OTULIN: variants seen among roughly 807,000 people sequenced by gnomAD.
OTULIN encodes the protein OTU deubiquitinase with linear linkage specificity, also known as ubiquitin thioesterase otulin.
Under a neutral mutation model 39.6 loss-of-function variants are expected in OTULIN, and 15 were observed. The observed-to-expected ratio is 0.38, with a 90% CI of 0.25 to 0.58. The LOEUF (loss-of-function observed/expected upper bound fraction) is 0.58. Among genes scored for constraint, OTULIN ranks in the 20% least tolerant of loss-of-function variants. The pLI is 0.66. For missense variants in OTULIN, 319 were observed against 445.9 expected (o/e 0.72, Z 2.56); for synonymous variants, 156 against 170.3 (o/e 0.92, Z 0.65).
rs1736759730 is a variant in OTULIN at position 14,699,800 on chromosome 5, T to C, written c.*6752T>C. On this transcript the variant is annotated 3_prime_UTR_variant, in exon 7 of 7. Coordinates refer to ENST00000284274, the MANE Select transcript of OTULIN (RefSeq NM_138348.6). Reference sequence around the variant, plus strand: ...GCCTGAAACCTGGGCATTCTTTCTGTAGTTTCTCTGAATTTTCTGTCTCAC... The same window carrying C: ...GCCTGAAACCTGGGCATTCTTTCTGCAGTTTCTCTGAATTTTCTGTCTCAC... The C allele has an allele frequency of 6.6e-6, 1 of 152,308 alleles. No homozygotes were observed. The highest frequency in any genetic ancestry group is 1.5e-5 in the Non-Finnish European group (1 of 68,098). 9.4% of individuals were successfully genotyped at this position (152,308 alleles called of 1,614,324 possible). A position where few individuals can be genotyped will look rare whatever the true frequency, so the allele number is the denominator to read the frequency against.
At chr5:14,710,076 A>G in the OTULIN span, 1 of 152,222 alleles carries the variant, frequency 6.6e-6, no homozygotes, top group African/African-American at 2.4e-5. Flanking sequence ...GGAGGACCAC[A>G]TAGTGACTCT....
chr5:14,678,606 A>G, intron 2 of OTULIN, 75 bp from the exon 3 acceptor site: 1 of 1,032,868 alleles, frequency 9.7e-7, no homozygotes, highest in Non-Finnish European at 1.4e-6. Flanking sequence ...GTGAAGGGTA[A>G]CCCCCAACTG....
intron 1 of OTULIN, among the ~76,000 whole-genome samples, chr5:14,668,003 C>T (rs1397075035): frequency 6.6e-6 from 1 of 152,164 alleles, no homozygotes; most frequent in African/African-American, 2.4e-5. Flanking sequence ...AGAGACTACT[C>T]CATGGCCCTT....
chr5:14,712,889 A>G, the OTULIN span: 4 of 1,611,396 alleles, frequency 2.5e-6, no homozygotes, highest in African/African-American at 2.7e-5. Flanking sequence ...TCCGGTAGAC[A>G]TAGCACGCAG....
rs2126350284 is a variant in OTULIN at position 14,696,034 on chromosome 5, T to TA, written c.*2991dup. On this transcript the variant is annotated 3_prime_UTR_variant, in exon 7 of 7. Coordinates refer to ENST00000284274, the MANE Select transcript of OTULIN (RefSeq NM_138348.6). ...CCCTCCACTTTTGGAGCTTATCAGG[T>TA]AAAAATCTCAAGCCACATGAATTGT... The TA allele has an allele frequency of 6.6e-6, 1 of 151,054 alleles. No individual in the cohort carries two copies. Among genetic ancestry groups the TA allele is most frequent in the South Asian group, 2.1e-4 (1 of 4,778 alleles). The allele number at this position is 151,054 out of a possible 1,614,324, so 9.4% of individuals were successfully genotyped here.
chr5:14,712,344 C>T, the OTULIN span, among the ~76,000 whole-genome samples: 6 of 152,384 alleles, frequency 3.9e-5, no homozygotes, highest in African/African-American at 1.4e-4. Context: ...TCATATACCT[C>T]CCTTTTCTCA....
At chr5:14,685,796 A>G (rs1736373227) in intron 4 of OTULIN, among the ~76,000 whole-genome samples, 1 of 141,624 alleles carries the variant, frequency 7.1e-6, no homozygotes, top group Admixed American at 7.5e-5. Context: ...CCCAGCTCAC[A>G]TCTGTGTAGC....
At position 14,696,527 on chromosome 5, in the gene OTULIN, T is replaced by C. The variant is rs774633353; in HGVS notation, c.*3479T>C. On this transcript the variant is annotated 3_prime_UTR_variant, in exon 7 of 7. Transcript: ENST00000284274. ...AAATACATAGAATTCCCAAATAGTT[T>C]AGCAAAGGCAGGGCGCAATATCAAG... The C allele has an allele frequency of 1.4e-4, 21 of 152,190 alleles. No individual in the cohort carries two copies. The highest frequency in any genetic ancestry group is 2.8e-4 in the Non-Finnish European group (19 of 68,040). The allele number at this position is 152,190 out of a possible 1,614,324, so 9.4% of individuals were successfully genotyped here. A position where few individuals can be genotyped will look rare whatever the true frequency, so the allele number is the denominator to read the frequency against.
chr5:14,678,728 A>G lies in OTULIN; in HGVS notation c.277A>G (p.Lys93Glu). ...TGAAATGGATATCATGGACTACTGC[A>G]AAAAAGAATGGAGAGGAAATACACA... The part of the protein sequence containing the change: ...APEMDIMDYC[K>E]KEWRGNTQKA... The change falls in exon 3 of 7, where the codon AAA (lysine) becomes GAA (glutamate). Residue 93 changes from lysine to glutamate, a missense_variant. This residue lies in a region of OTULIN where 132 missense variants were observed against 143.7 expected (regional missense o/e 0.92). Coordinates refer to ENST00000284274, the MANE Select transcript of OTULIN (RefSeq NM_138348.6). The G allele has an allele frequency of 3.7e-6, 6 of 1,609,088 alleles. No individual in the cohort carries two copies. The highest frequency in any genetic ancestry group is 5.1e-6 in the Non-Finnish European group (6 of 1,178,082).
At chr5:14,668,154 C>T (rs758340385) in intron 1 of OTULIN, among the ~76,000 whole-genome samples, 4 of 152,028 alleles carry the variant, frequency 2.6e-5, no homozygotes, top group Non-Finnish European at 4.4e-5. Context: ...GGGCTGTGAA[C>T]AAAAAAAGTG....
chr5:14,689,619 A>G (rs1168518302), intron 5 of OTULIN, among the ~76,000 whole-genome samples: 3 of 152,156 alleles, frequency 2.0e-5, no homozygotes, highest in South Asian at 4.1e-4. Flanking sequence ...CCTCTCTTCC[A>G]TTTAGGAGGG....
rs1011632847 is a variant in OTULIN, at chr5:14,694,447, G to T, written c.*1399G>T. The T allele has an allele frequency of 2.6e-5, 4 of 152,330 alleles. No individual in the cohort carries two copies. Among genetic ancestry groups the T allele is most frequent in the Middle Eastern group, 3.4e-3 (1 of 294 alleles). The allele number at this position is 152,330 out of a possible 1,614,324, so 9.4% of individuals were successfully genotyped here. A position where few individuals can be genotyped will look rare whatever the true frequency, so the allele number is the denominator to read the frequency against. On this transcript the variant is annotated 3_prime_UTR_variant, in exon 7 of 7. Transcript: ENST00000284274. The stretch of plus-strand genomic sequence containing the variant: ...CTGGCAGCCCCTGAATTGGCTCAAC[G>T]TTTGTGGAGGTGGTATTTCCCTGAA...
At chr5:14,677,313 G>A (rs1043741274) in intron 2 of OTULIN, among the ~76,000 whole-genome samples, 1 of 151,984 alleles carries the variant, frequency 6.6e-6, no homozygotes, top group Non-Finnish European at 1.5e-5. Flanking sequence ...CCAGTTCCTA[G>A]CTCAATATTT....
intron 3 of OTULIN, among the ~76,000 whole-genome samples, chr5:14,679,284 G>A (rs954728885): frequency 6.6e-6 from 1 of 152,190 alleles, no homozygotes; most frequent in Non-Finnish European, 1.5e-5. Flanking sequence ...AGATTCATAT[G>A]ATGTGGTCCT....
intron 1 of OTULIN, among the ~76,000 whole-genome samples, chr5:14,671,336 A>G (rs1735973207): frequency 6.6e-6 from 1 of 152,220 alleles, no homozygotes; most frequent in Non-Finnish European, 1.5e-5. Context: ...AAGAGGAACC[A>G]TGTAGCTTAC....
chr5:14,710,174 T>C, the OTULIN span: 19 of 152,214 alleles, frequency 1.2e-4, no homozygotes, highest in Admixed American at 9.8e-4. Context: ...CGCAGAGTTA[T>C]GACTAAGGAT....
chr5:14,701,127 T>C (rs546599537), downstream of OTULIN, among the ~76,000 whole-genome samples: 36 of 152,330 alleles, frequency 2.4e-4, 1 homozygote, highest in Admixed American at 1.2e-3. Flanking sequence ...TGGGGTACTT[T>C]CAGGAATCTT....
chr5:14,673,903 AAC>A, intron 2 of OTULIN, 185 bp downstream of exon 2: 1 of 445,190 alleles, frequency 2.2e-6, no homozygotes, highest in South Asian at 3.4e-5. Context: ...TTTTAATGCA[AAC>A]ATTCTCTCTG....
intron 1 of OTULIN, 70 bp downstream of exon 1, chr5:14,665,047 G>A (rs1735795653): frequency 1.0e-6 from 1 of 976,778 alleles, no homozygotes; most frequent in Admixed American, 7.4e-5. Context: ...GCCGGGCTGG[G>A]GTGGGGAGTC....
Sources: allele counts gnomAD v4.1 joint callset (sites outside exome capture counted in the v4.1 genomes callset), GRCh38; gene constraint gnomAD v4.1.1; regional missense constraint gnomAD v4.1.1; transcripts MANE v1.5; gene names NCBI Gene and HGNC (gene_info 2026-07-23, HGNC 2026-07-21).